Variants in ANKRD36 observed in about 807,000 individuals in gnomAD.
The protein encoded by ANKRD36 is ankyrin repeat domain 36, also known as ankyrin repeat domain-containing protein 36A.
Under a neutral mutation model 278.1 loss-of-function variants are expected in ANKRD36, and 179 were observed. That is an observed-to-expected ratio of 0.64 (90% CI 0.57 to 0.73). The LOEUF (loss-of-function observed/expected upper bound fraction) is 0.73, where lower values mean the gene tolerates loss of function less well. ANKRD36 is among the 30% of genes least tolerant of loss of function. The probability of loss-of-function intolerance (pLI) is 0.00; values close to 1 mark genes in which losing one functional copy is unlikely to be tolerated. For missense variants in ANKRD36, 1,159 were observed against 1,956.7 expected (o/e 0.59, Z 7.69); for synonymous variants, 320 against 641.1 (o/e 0.50, Z 7.57).
intron 3 of ANKRD36, among the ~76,000 whole-genome samples, chr2:97,121,855 A>C (rs1252991617): frequency 1.3e-5 from 2 of 151,162 alleles, no homozygotes; most frequent in East Asian, 3.9e-4. Flanking sequence ...GGGTCCTAAG[A>C]TTATAATTAC....
At chr2:97,122,751 G>C in intron 3 of ANKRD36, 136 bp from the exon 4 acceptor site, 1 of 691,378 alleles carries the variant, frequency 1.4e-6, no homozygotes, top group Non-Finnish European at 2.2e-6. Flanking sequence ...ACCGAGGAGG[G>C]AAAAGAAAGG....
intron 50 of ANKRD36, among the ~76,000 whole-genome samples, chr2:97,205,159 A>G (rs1241032347): frequency 6.6e-6 from 1 of 151,698 alleles, no homozygotes; most frequent in Non-Finnish European, 1.5e-5. Flanking sequence ...GAATATTGGA[A>G]TGATTTCTGA....
intron 68 of ANKRD36, among the ~76,000 whole-genome samples, chr2:97,240,993 T>G (rs1464011969): frequency 5.6e-5 from 8 of 142,576 alleles, no homozygotes; most frequent in Non-Finnish European, 9.0e-5. Flanking sequence ...TTTTTTTTTT[T>G]TTTTTTTTTT....
intron 48 of ANKRD36, 59 bp from the exon 49 acceptor site, chr2:97,204,009 G>A (rs2153604840): frequency 1.3e-6 from 2 of 1,540,642 alleles, no homozygotes; most frequent in South Asian, 2.4e-5. Context: ...CTGCATGAAT[G>A]TATGGATAAT....
At chr2:97,184,251 T>C (rs542713358) in intron 28 of ANKRD36, among the ~76,000 whole-genome samples, 6 of 151,762 alleles carry the variant, frequency 4.0e-5, no homozygotes, top group Non-Finnish European at 8.8e-5. Flanking sequence ...TTCTGACTGC[T>C]CCGATGACTA....
intron 48 of ANKRD36, among the ~76,000 whole-genome samples, chr2:97,203,445 C>G (rs539230679): frequency 6.6e-6 from 1 of 151,814 alleles, no homozygotes; most frequent in African/African-American, 2.4e-5. Flanking sequence ...GAAGGCTAAA[C>G]TAGTGGATAC....
chr2:97,205,050 A>C (rs2062468644), intron 50 of ANKRD36, among the ~76,000 whole-genome samples: 1 of 151,566 alleles, frequency 6.6e-6, no homozygotes, highest in South Asian at 2.1e-4. Flanking sequence ...CTGTTTAATG[A>C]AACTTCTTTA....
intron 35 of ANKRD36, 21 bp downstream of exon 35, chr2:97,191,027 A>G (rs2058407345): frequency 6.2e-7 from 1 of 1,604,514 alleles, no homozygotes; most frequent in Non-Finnish European, 8.5e-7. Context: ...TCTCATTTAT[A>G]TTGTGAACTA....
intron 5 of ANKRD36, among the ~76,000 whole-genome samples, chr2:97,125,797 A>C (rs1574589581): frequency 1.3e-5 from 2 of 152,116 alleles, no homozygotes; most frequent in African/African-American, 4.8e-5. Flanking sequence ...ACAGGAAGCC[A>C]TTCATCGGAA....
At chr2:97,202,061 T>A in intron 46 of ANKRD36, 141 bp from the exon 47 acceptor site, 1 of 1,512,734 alleles carries the variant, frequency 6.6e-7, no homozygotes, top group Non-Finnish European at 8.8e-7. Context: ...CACGTTCTAG[T>A]CCCCAGACAC....
rs570141773 is a variant in ANKRD36 at position 97,143,349 on chromosome 2, G to C, written c.901+514G>C. Among the ~76,000 whole-genome samples, 11 of 152,108 alleles carry C rather than the reference G, an allele frequency of 7.2e-5. No individual in the cohort carries two copies. The East Asian group carries it at 1.4e-3, about 19-fold the overall frequency. ...TTATTTATGTAATTTTGGGGTTTCT[G>C]CTGCAGAAACCTGATGGGACTCACT... On this transcript the variant is annotated intron_variant, in intron 8 of 75. Transcript: ENST00000420699.
At chr2:97,182,011 C>T (rs1325062858) in intron 26 of ANKRD36, among the ~76,000 whole-genome samples, 5 of 151,250 alleles carry the variant, frequency 3.3e-5, no homozygotes, top group South Asian at 4.2e-4. Context: ...GAAGAAGAAA[C>T]GTTGGAGAGC....
intron 50 of ANKRD36, among the ~76,000 whole-genome samples, chr2:97,205,473 C>T (rs1252186982): frequency 1.3e-5 from 2 of 151,430 alleles, no homozygotes; most frequent in African/African-American, 2.4e-5. Context: ...GAAGCATCAT[C>T]GCAGTTGTGT....
At chr2:97,213,886 A>G (rs1475606686) in intron 60 of ANKRD36, among the ~76,000 whole-genome samples, 2 of 151,792 alleles carry the variant, frequency 1.3e-5, no homozygotes, top group Admixed American at 6.6e-5. Flanking sequence ...GGAACAGCAT[A>G]ATTTTGCTTT....
intron 6 of ANKRD36, among the ~76,000 whole-genome samples, chr2:97,141,143 A>ATCAAACTAGC (rs1488704841): frequency 1.3e-5 from 2 of 151,578 alleles, no homozygotes; most frequent in Non-Finnish European, 2.9e-5. Flanking sequence ...GGTATATTAT[A>ATCAAACTAGC]TCAAACTAGC....
intron 6 of ANKRD36, among the ~76,000 whole-genome samples, chr2:97,141,604 C>T (rs1218863269): frequency 2.2e-5 from 3 of 137,282 alleles, no homozygotes; most frequent in Non-Finnish European, 3.1e-5. Context: ...CACAGTGACT[C>T]GTTACTTCTC....
Position 97,187,245 on chromosome 2 carries a change from A to T in ANKRD36, c.2070+19A>T, listed in dbSNP as rs776926643. 1.5e-5 allele frequency: 24 copies of T among 1,609,510 alleles called. No homozygotes were observed. In the African/African-American group the frequency reaches 2.9e-4, roughly 20 times the overall value. On this transcript the variant is annotated intron_variant, in intron 31 of 75. Coordinates refer to ENST00000420699, the MANE Select transcript of ANKRD36 (RefSeq NM_001354587.1). ...CTTGAAGGTAATTAAACTCTCATTTATATTGTGAACTAGTAAATCTATAGT... is the reference window on the plus strand; with the variant it reads ...CTTGAAGGTAATTAAACTCTCATTTTTATTGTGAACTAGTAAATCTATAGT...
At chr2:97,190,488 T>C (rs1428412814) in intron 34 of ANKRD36, among the ~76,000 whole-genome samples, 2 of 151,698 alleles carry the variant, frequency 1.3e-5, no homozygotes, top group East Asian at 3.9e-4. Context: ...AGATGCGAAG[T>C]GTACTTTCAA....
intron 28 of ANKRD36, among the ~76,000 whole-genome samples, chr2:97,185,035 T>C (rs1344969817): frequency 6.6e-6 from 1 of 151,836 alleles, no homozygotes; most frequent in African/African-American, 2.4e-5. Flanking sequence ...ACTTTTGTCC[T>C]CATCATTCAG....
Sources: allele counts gnomAD v4.1 joint callset (sites outside exome capture counted in the v4.1 genomes callset), GRCh38; gene constraint gnomAD v4.1.1; transcripts MANE v1.5; gene names NCBI Gene and HGNC (gene_info 2026-07-23, HGNC 2026-07-21).